The following LRRTM4 variants were observed in gnomAD, a reference collection of about 807,000 sequenced individuals.
The protein encoded by LRRTM4 is leucine rich repeat transmembrane neuronal 4.
Under a neutral mutation model 47.6 loss-of-function variants are expected in LRRTM4, and 25 were observed. The observed-to-expected ratio is 0.53, with a 90% CI of 0.38 to 0.73. LRRTM4 has a LOEUF of 0.73. LRRTM4 is among the 30% of genes least tolerant of loss of function. The pLI is 0.00. For missense variants in LRRTM4, 638 were observed against 713.4 expected, an observed-to-expected ratio of 0.89 and a Z score of 1.20; for synonymous variants, 311 against 269.5, an observed-to-expected ratio of 1.15 and a Z score of -1.51.
intron 3 of LRRTM4, among the ~76,000 whole-genome samples, chr2:77,023,906 G>C (rs1317026364): frequency 2.0e-5 from 3 of 152,010 alleles, no homozygotes; most frequent in Non-Finnish European, 4.4e-5. Context: ...CCAATTTACT[G>C]TATTAGTCTG....
At chr2:77,161,122 C>CT (rs1672716792) in intron 3 of LRRTM4, among the ~76,000 whole-genome samples, 1 of 152,192 alleles carries the variant, frequency 6.6e-6, no homozygotes, top group Non-Finnish European at 1.5e-5. Context: ...TTCTGCTAAG[C>CT]TATAGGCATA....
intron 3 of LRRTM4, among the ~76,000 whole-genome samples, chr2:77,373,571 A>T (rs943433451): frequency 4.0e-5 from 6 of 151,718 alleles, no homozygotes; most frequent in Admixed American, 6.6e-5. Context: ...AGTTTTTTGG[A>T]ACCCTACACC....
chr2:77,486,924 C>T (rs1298342272), intron 3 of LRRTM4, among the ~76,000 whole-genome samples: 1 of 152,220 alleles, frequency 6.6e-6, no homozygotes. Flanking sequence ...AGAGATATTA[C>T]ATGCAGAAAA....
At chr2:76,787,231 G>A (rs1291538826) in intron 3 of LRRTM4, among the ~76,000 whole-genome samples, 1 of 152,146 alleles carries the variant, frequency 6.6e-6, no homozygotes, top group Non-Finnish European at 1.5e-5. Flanking sequence ...TGTTGATTGT[G>A]TGGGAAAAGA....
At chr2:76,962,401 A>T (rs1366627884) in intron 3 of LRRTM4, among the ~76,000 whole-genome samples, 2 of 151,066 alleles carry the variant, frequency 1.3e-5, no homozygotes, top group Admixed American at 6.6e-5. Context: ...CTCATGCCTC[A>T]ATTTTTGTTG....
At chr2:76,932,925 A>G (rs1674822035) in intron 3 of LRRTM4, among the ~76,000 whole-genome samples, 1 of 152,156 alleles carries the variant, frequency 6.6e-6, no homozygotes, top group Non-Finnish European at 1.5e-5. Context: ...TACACGTGCC[A>G]TGGTGGTTTG....
chr2:76,895,890 A>G (rs1049773342), intron 3 of LRRTM4, among the ~76,000 whole-genome samples: 1 of 151,950 alleles, frequency 6.6e-6, no homozygotes, highest in Non-Finnish European at 1.5e-5. Flanking sequence ...TCTCTTTTCA[A>G]TAACATATGG....
At chr2:77,411,405 A>C (rs4535070) in intron 3 of LRRTM4, among the ~76,000 whole-genome samples, 149,990 of 150,118 alleles carry the variant, frequency 1, 74,931 homozygotes, top group Middle Eastern at 1. Context: ...TTTCTTCTTT[A>C]TTTCTCTCTT....
At chr2:77,064,667 C>A (rs1046522945) in intron 3 of LRRTM4, among the ~76,000 whole-genome samples, 6 of 152,178 alleles carry the variant, frequency 3.9e-5, no homozygotes, top group Non-Finnish European at 7.4e-5. Flanking sequence ...CAATCATCAC[C>A]TTTGCCCCAC....
At chr2:76,912,001 T>C (rs1674082354) in intron 3 of LRRTM4, among the ~76,000 whole-genome samples, 1 of 143,054 alleles carries the variant, frequency 7.0e-6, no homozygotes, top group Admixed American at 7.3e-5. Context: ...CGATCTCCAC[T>C]CACTGCAAGC....
At chr2:77,497,357 G>GT (rs5832286) in intron 3 of LRRTM4, among the ~76,000 whole-genome samples, 30,700 of 148,696 alleles carry the variant, frequency 0.21, 3,677 homozygotes, top group Non-Finnish European at 0.27. Context: ...GATTTGCTCT[G>GT]TTTTTTTTTA....
intron 3 of LRRTM4, among the ~76,000 whole-genome samples, chr2:77,377,981 T>A (rs1343126970): frequency 6.6e-6 from 1 of 152,038 alleles, no homozygotes; most frequent in Non-Finnish European, 1.5e-5. Context: ...AAATTGTACA[T>A]CTTTTAAAAA....
intron 3 of LRRTM4, among the ~76,000 whole-genome samples, chr2:77,350,129 T>C (rs1433607325): frequency 6.7e-6 from 1 of 150,198 alleles, no homozygotes; most frequent in South Asian, 2.1e-4. Context: ...GAGACCATCC[T>C]GGCTAACAAG....
chr2:76,977,843 T>A (rs562618445), intron 3 of LRRTM4, among the ~76,000 whole-genome samples: 1 of 152,086 alleles, frequency 6.6e-6, no homozygotes, highest in African/African-American at 2.4e-5. Context: ...AGAAAACAAA[T>A]ACGGATTAGG....
chr2:77,286,722 A>G lies in LRRTM4; in HGVS notation c.1551+231596T>C, dbSNP rs114586064. Among the ~76,000 whole-genome samples the G allele has an allele frequency of 9.9e-3, 1,503 of 152,174 alleles. 21 individuals are homozygous for G. The highest frequency in any genetic ancestry group is 0.034 in the African/African-American group (1,424 of 41,554). ...TGATATGAGACTCCAGTTTAGTCCAAACTTCATAAAAGTAGTCATTAACAA... is the reference window on the plus strand; with the variant it reads ...TGATATGAGACTCCAGTTTAGTCCAGACTTCATAAAAGTAGTCATTAACAA... On this transcript the variant is annotated intron_variant, in intron 3 of 3. Transcript: ENST00000409884.
intron 3 of LRRTM4, among the ~76,000 whole-genome samples, chr2:77,318,796 A>G (rs1022989687): frequency 6.6e-6 from 1 of 152,202 alleles, no homozygotes; most frequent in African/African-American, 2.4e-5. Flanking sequence ...ATAAACATTT[A>G]TAAGAATTAA....
At chr2:77,011,353 C>T (rs1010644823) in intron 3 of LRRTM4, among the ~76,000 whole-genome samples, 8 of 151,960 alleles carry the variant, frequency 5.3e-5, no homozygotes, top group Admixed American at 6.6e-5. Context: ...TAGCTACATG[C>T]GTGAGTGGCT....
intron 3 of LRRTM4, among the ~76,000 whole-genome samples, chr2:77,038,470 T>C (rs1368933158): frequency 2.6e-5 from 4 of 151,548 alleles, no homozygotes; most frequent in African/African-American, 7.3e-5. Context: ...AATTATAAAG[T>C]ACTGTTCAGA....
At chr2:76,993,905 C>T (rs778655321) in intron 3 of LRRTM4, among the ~76,000 whole-genome samples, 51 of 152,012 alleles carry the variant, frequency 3.4e-4, no homozygotes, top group Middle Eastern at 6.8e-3. Context: ...TACATATACA[C>T]CATGGAATAC....
Sources: allele counts gnomAD v4.1 joint callset (sites outside exome capture counted in the v4.1 genomes callset), GRCh38; gene constraint gnomAD v4.1.1; transcripts MANE v1.5; gene names NCBI Gene and HGNC (gene_info 2026-07-23, HGNC 2026-07-21).